The following DAB1 variants were observed in gnomAD, a reference collection of about 807,000 sequenced individuals.
DAB1 encodes the protein disabled homolog 1.
DAB1 carries 15 observed loss-of-function variants against 64.6 expected under a neutral mutation model. That is an observed-to-expected ratio of 0.23 (90% CI 0.16 to 0.36). DAB1 has a LOEUF of 0.36. Among genes scored for constraint, DAB1 ranks in the 10% least tolerant of loss-of-function variants. The probability of loss-of-function intolerance (pLI) is 1.00; values close to 1 mark genes in which losing one functional copy is unlikely to be tolerated. For missense variants in DAB1, 596 were observed against 706.7 expected (o/e 0.84, Z 1.78); for synonymous variants, 235 against 251.9 (o/e 0.93, Z 0.64).
rs530417177 is a variant in DAB1, at chr1:57,701,599, C to T, written n.552-51934G>A. Among the ~76,000 whole-genome samples the T allele has an allele frequency of 2.4e-4, 36 of 151,750 alleles. No individual in the cohort carries two copies. In the East Asian group the frequency reaches 3.9e-3, roughly 16 times the overall value. ...AGGAGATATACCTAATGCTAAATGA[C>T]GAGTTAATGGGTGCAGCACACCAAC... On this transcript the variant is annotated intron_variant and non_coding_transcript_variant, in intron 6 of 20. Transcript: ENST00000485760.
rs904236855 is a variant in DAB1, at chr1:58,483,070, G to A, written n.257+22990C>T. Among the ~76,000 whole-genome samples the A allele has an allele frequency of 2.6e-5, 4 of 152,246 alleles. No homozygotes were observed. In the East Asian group the frequency reaches 7.7e-4, roughly 29 times the overall value. On this transcript the variant is annotated intron_variant and non_coding_transcript_variant, in intron 3 of 20. Coordinates refer to the DAB1 transcript ENST00000485760. Reference sequence around the variant, plus strand: ...GAAGAATACACATTCGAAATTACCTGGAAGTCCAGGTACAAAACTAGAATT... The same window carrying A: ...GAAGAATACACATTCGAAATTACCTAGAAGTCCAGGTACAAAACTAGAATT...
At chr1:58,237,239 T>G (rs968683901) in intron 4 of DAB1, among the ~76,000 whole-genome samples, 1 of 152,136 alleles carries the variant, frequency 6.6e-6, no homozygotes, top group African/African-American at 2.4e-5. Context: ...GAAATAAGTA[T>G]GGATCCACAG....
At chr1:57,810,280 T>C (rs555005552) in intron 6 of DAB1, among the ~76,000 whole-genome samples, 1 of 152,300 alleles carries the variant, frequency 6.6e-6, no homozygotes, top group South Asian at 2.1e-4. Flanking sequence ...CTATTGCCTG[T>C]TGATGAACTC....
chr1:58,009,255 C>G (rs1262338752), intron 5 of DAB1, among the ~76,000 whole-genome samples: 1 of 152,122 alleles, frequency 6.6e-6, no homozygotes, highest in African/African-American at 2.4e-5. Context: ...CCTTGTAAAC[C>G]TAGTGCTCTT....
At chr1:57,944,907 A>G (rs1645161619) in intron 5 of DAB1, among the ~76,000 whole-genome samples, 1 of 152,178 alleles carries the variant, frequency 6.6e-6, no homozygotes, top group African/African-American at 2.4e-5. Context: ...GCAGAGATAC[A>G]TATAAGCACA....
intron 5 of DAB1, among the ~76,000 whole-genome samples, chr1:57,999,271 G>A (rs921255025): frequency 2.0e-5 from 3 of 152,170 alleles, no homozygotes; most frequent in Admixed American, 1.3e-4. Flanking sequence ...TGAAGGTACT[G>A]AAGATCAGCC....
chr1:58,376,225 T>C (rs1221582174), intron 3 of DAB1, among the ~76,000 whole-genome samples: 1 of 146,736 alleles, frequency 6.8e-6, no homozygotes, highest in Non-Finnish European at 1.5e-5. Flanking sequence ...TGCTAGCTTT[T>C]GAATGTGTTT....
At chr1:57,694,063 T>C (rs1646795697) in intron 6 of DAB1, among the ~76,000 whole-genome samples, 3 of 152,222 alleles carry the variant, frequency 2.0e-5, no homozygotes. Flanking sequence ...TTCCCCAGTG[T>C]TTTCTTGTAG....
chr1:58,082,666 G>A (rs1427638330), intron 5 of DAB1, among the ~76,000 whole-genome samples: 1 of 152,016 alleles, frequency 6.6e-6, no homozygotes, highest in East Asian at 1.9e-4. Context: ...GGGTGGAGTG[G>A]GGAGATCGTC....
intron 5 of DAB1, among the ~76,000 whole-genome samples, chr1:57,977,938 T>A (rs1032076985): frequency 1.8e-4 from 27 of 152,276 alleles, no homozygotes; most frequent in Non-Finnish European, 3.7e-4. Context: ...TGGACAAACC[T>A]TCCATACTCA....
intron 5 of DAB1, among the ~76,000 whole-genome samples, chr1:58,007,223 A>G (rs1461020977): frequency 1.3e-5 from 2 of 152,172 alleles, no homozygotes; most frequent in Admixed American, 6.5e-5. Flanking sequence ...AATTTGGAAA[A>G]TAATAATATT....
intron 4 of DAB1, among the ~76,000 whole-genome samples, chr1:58,235,228 A>G (rs1659964303): frequency 6.6e-6 from 1 of 152,232 alleles, no homozygotes; most frequent in Admixed American, 6.5e-5. Context: ...CCTGTGAAGG[A>G]AGTCTGATTA....
At chr1:57,759,469 T>C (rs989579923) in intron 6 of DAB1, among the ~76,000 whole-genome samples, 1 of 152,192 alleles carries the variant, frequency 6.6e-6, no homozygotes, top group Non-Finnish European at 1.5e-5. Context: ...TATAATTATT[T>C]TGGCATGATG....
chr1:57,636,025 A>G (rs865932256), intron 7 of DAB1, among the ~76,000 whole-genome samples: 1 of 138,288 alleles, frequency 7.2e-6, no homozygotes, highest in Middle Eastern at 4.0e-3. Context: ...TGAACCTGGG[A>G]GGTGGAGATT....
At chr1:57,988,860 T>C (rs1232525586) in intron 5 of DAB1, among the ~76,000 whole-genome samples, 1 of 152,204 alleles carries the variant, frequency 6.6e-6, no homozygotes, top group Non-Finnish European at 1.5e-5. Context: ...TTCCCAATGT[T>C]GGCTTTTGCT....
At chr1:58,065,563 G>A (rs571741974) in intron 5 of DAB1, among the ~76,000 whole-genome samples, 2 of 152,310 alleles carry the variant, frequency 1.3e-5, no homozygotes, top group South Asian at 4.1e-4. Context: ...AAAAGAAAAT[G>A]TACTTCATGA....
At chr1:57,324,882 ATGTT>A (rs1676027322) in intron 1 of DAB1, among the ~76,000 whole-genome samples, 1 of 152,088 alleles carries the variant, frequency 6.6e-6, no homozygotes, top group African/African-American at 2.4e-5. Context: ...CCCCTCCTTC[ATGTT>A]CCAGCCACTC....
intron 3 of DAB1, among the ~76,000 whole-genome samples, chr1:58,456,409 G>A (rs113252903): frequency 2.0e-5 from 3 of 152,360 alleles, no homozygotes; most frequent in African/African-American, 7.2e-5. Flanking sequence ...GGAAGGTGAT[G>A]AAGTAGGTTC....
intron 5 of DAB1, among the ~76,000 whole-genome samples, chr1:57,991,524 A>G (rs534236888): frequency 6.6e-6 from 1 of 152,218 alleles, no homozygotes; most frequent in South Asian, 2.1e-4. Flanking sequence ...CACAGAAGCC[A>G]TGGGAGGCCA....
Sources: gnomAD v4.1 joint callset for allele counts (sites outside exome capture counted in the v4.1 genomes callset) on GRCh38, gnomAD v4.1.1 for gene constraint, MANE v1.5 for transcripts, NCBI Gene and HGNC (gene_info 2026-07-23, HGNC 2026-07-21) for gene names.